Variants in FAT3 observed in about 807,000 individuals in gnomAD.
The protein encoded by FAT3 is FAT atypical cadherin 3, also known as protocadherin Fat 3.
A neutral mutation model predicts 310.2 loss-of-function variants in FAT3; 95 were observed. The ratio of observed to expected loss-of-function variants is 0.31; its 90% confidence interval spans 0.26 to 0.36. The LOEUF (loss-of-function observed/expected upper bound fraction) is 0.36. Ranked by LOEUF, FAT3 falls within the 10% of genes least tolerant of loss-of-function variation. The probability of loss-of-function intolerance (pLI) is 1.00; values close to 1 mark genes in which losing one functional copy is unlikely to be tolerated. For synonymous variants in FAT3, 2,314 were observed against 2,192.9 expected, an observed-to-expected ratio of 1.06 and a Z score of -1.54; for missense variants, 5,408 against 5,715.6, an observed-to-expected ratio of 0.95 and a Z score of 1.74.
intron 3 of FAT3, among the ~76,000 whole-genome samples, chr11:92,608,375 T>C (rs1940402515): frequency 6.6e-6 from 1 of 152,196 alleles, no homozygotes; most frequent in Non-Finnish European, 1.5e-5. Flanking sequence ...CCTTATGGAA[T>C]GTTATGCTGT....
intron 2 of FAT3, among the ~76,000 whole-genome samples, chr11:92,512,297 A>G (rs1056869563): frequency 6.6e-6 from 1 of 151,830 alleles, no homozygotes; most frequent in Non-Finnish European, 1.5e-5. Context: ...TGATTCTAGA[A>G]TCAGGCACCA....
At chr11:92,455,025 G>A (rs1951461535) in intron 2 of FAT3, among the ~76,000 whole-genome samples, 1 of 152,118 alleles carries the variant, frequency 6.6e-6, no homozygotes, top group Admixed American at 6.5e-5. Flanking sequence ...AGAACAGGGA[G>A]TTCCCATGTA....
chr11:92,549,861 T>A (rs913211849), intron 3 of FAT3, among the ~76,000 whole-genome samples: 1 of 152,162 alleles, frequency 6.6e-6, no homozygotes, highest in Non-Finnish European at 1.5e-5. Flanking sequence ...ACCCAACATT[T>A]TTTAGTAATA....
chr11:92,632,706 G>A (rs1470283033), intron 3 of FAT3, among the ~76,000 whole-genome samples: 1 of 152,222 alleles, frequency 6.6e-6, no homozygotes, highest in Non-Finnish European at 1.5e-5. Flanking sequence ...CCTAAGGGAA[G>A]TTCCGTGTGC....
chr11:92,773,746 G>GT (rs533099199), intron 6 of FAT3, among the ~76,000 whole-genome samples: 81 of 152,180 alleles, frequency 5.3e-4, no homozygotes, highest in African/African-American at 1.8e-3. Context: ...GGGCCTTTAG[G>GT]TTTCTAAATA....
chr11:92,518,257 A>C (rs576852868), intron 2 of FAT3, among the ~76,000 whole-genome samples: 3 of 152,202 alleles, frequency 2.0e-5, no homozygotes, highest in Non-Finnish European at 4.4e-5. Context: ...AAGATTTGCA[A>C]CCAACCCAAA....
intron 3 of FAT3, among the ~76,000 whole-genome samples, chr11:92,601,436 A>G (rs1007084625): frequency 5.9e-5 from 9 of 152,144 alleles, no homozygotes; most frequent in African/African-American, 2.2e-4. Context: ...CTCTACTAAA[A>G]GTACAAAAAT....
intron 4 of FAT3, among the ~76,000 whole-genome samples, chr11:92,726,598 C>A (rs536887521): frequency 2.6e-5 from 4 of 152,126 alleles, no homozygotes; most frequent in Non-Finnish European, 5.9e-5. Context: ...CCCCTTCACA[C>A]GTGACATGAT....
At chr11:92,265,750 G>A (rs977527054) in intron 1 of FAT3, among the ~76,000 whole-genome samples, 24 of 151,982 alleles carry the variant, frequency 1.6e-4, no homozygotes, top group Non-Finnish European at 2.5e-4. Context: ...GTTTCTATAT[G>A]GTAGAAGGGG....
At chr11:92,521,448 G>C (rs1449311540) in intron 2 of FAT3, among the ~76,000 whole-genome samples, 1 of 152,136 alleles carries the variant, frequency 6.6e-6, no homozygotes, top group East Asian at 1.9e-4. Flanking sequence ...TTTAGGGTGT[G>C]ATTACCATTT....
intron 2 of FAT3, among the ~76,000 whole-genome samples, chr11:92,423,017 C>T (rs1591267781): frequency 1.3e-4 from 20 of 152,154 alleles, no homozygotes. Flanking sequence ...AGGACAATGG[C>T]TCTGGAATCA....
Position 92,354,102 on chromosome 11 carries a change from C to G in FAT3, c.1990C>G (p.Pro664Ala). Residue 664 changes from proline to alanine, a missense_variant, in exon 2 of 28, where the codon CCC (proline) becomes GCC (alanine). By Grantham distance (27) the Pro-to-Ala change is conservative. This residue lies in a region of FAT3 where 4,588 missense variants were observed against 4,809.8 expected (regional missense o/e 0.95). Transcript: ENST00000525166. ...TATDGENLAD[P>A]MSINISVLHG... Reference sequence around the variant, plus strand: ...AACTGATGGAGAGAATCTTGCAGACCCCATGTCTATTAACATTTCAGTCCT... The same window carrying G: ...AACTGATGGAGAGAATCTTGCAGACGCCATGTCTATTAACATTTCAGTCCT... The G allele has an allele frequency of 1.2e-6, 2 of 1,613,662 alleles. No homozygotes were observed.
At chr11:92,778,617 C>G (rs1242695483) in intron 7 of FAT3, among the ~76,000 whole-genome samples, 1 of 152,136 alleles carries the variant, frequency 6.6e-6, no homozygotes, top group African/African-American at 2.4e-5. Flanking sequence ...ATATGTTTTT[C>G]TAGAGAGAAA....
At chr11:92,350,052 C>G (rs1948523521) in intron 1 of FAT3, among the ~76,000 whole-genome samples, 1 of 151,468 alleles carries the variant, frequency 6.6e-6, no homozygotes, top group East Asian at 1.9e-4. Flanking sequence ...CTGCTAGACT[C>G]TATCAATGAC....
In FAT3 at chr11:92,818,871, G is replaced by A. The variant is rs138025808; in HGVS notation, c.9481+8795G>A. Among the ~76,000 whole-genome samples the A allele has an allele frequency of 1.6e-4, 24 of 152,284 alleles. No homozygotes were observed. In the East Asian group the frequency reaches 2.5e-3, roughly 16 times the overall value. The stretch of plus-strand genomic sequence containing the variant: ...CTCCTGCGCATGTCCTGATTATCCC[G>A]ACAGAGAGCTGCATGCACGTTTCTT... On this transcript the variant is annotated intron_variant, in intron 13 of 27. Transcript: ENST00000525166.
chr11:92,723,591 T>G (rs1177498947), intron 4 of FAT3, among the ~76,000 whole-genome samples: 1 of 152,222 alleles, frequency 6.6e-6, no homozygotes, highest in Non-Finnish European at 1.5e-5. Flanking sequence ...TGTATTAGTC[T>G]GTTTTCACAC....
At chr11:92,719,151 G>C (rs1334845009) in intron 4 of FAT3, among the ~76,000 whole-genome samples, 3 of 152,144 alleles carry the variant, frequency 2.0e-5, no homozygotes, top group Non-Finnish European at 4.4e-5. Flanking sequence ...TCAGCACATG[G>C]CTATCTATTT....
intron 1 of FAT3, among the ~76,000 whole-genome samples, chr11:92,317,843 G>A (rs1474075591): frequency 6.6e-6 from 1 of 152,138 alleles, no homozygotes; most frequent in Non-Finnish European, 1.5e-5. Flanking sequence ...GCCCTATCAA[G>A]CTTTGAAATA....
chr11:92,338,607 T>C (rs1948154283), intron 1 of FAT3, among the ~76,000 whole-genome samples: 1 of 152,106 alleles, frequency 6.6e-6, no homozygotes, highest in South Asian at 2.1e-4. Context: ...GAGAAAATTA[T>C]GCGAGCCTCT....
Sources: allele counts gnomAD v4.1 joint callset (sites outside exome capture counted in the v4.1 genomes callset), GRCh38; gene constraint gnomAD v4.1.1; regional missense constraint gnomAD v4.1.1; transcripts MANE v1.5; gene names NCBI Gene and HGNC (gene_info 2026-07-23, HGNC 2026-07-21).